The following ABCC6 variants were observed in gnomAD, a reference collection of about 807,000 sequenced individuals.
The protein encoded by ABCC6 is ATP-binding cassette sub-family C member 6.
ABCC6 carries 126 observed loss-of-function variants against 169.5 expected under a neutral mutation model. The observed-to-expected ratio is 0.74, with a 90% CI of 0.64 to 0.86. The LOEUF is 0.86. ABCC6 is among the 40% of genes least tolerant of loss of function. ABCC6 has a pLI of 0.00. For synonymous variants in ABCC6, 752 were observed against 814.7 expected (o/e 0.92, Z 1.31); for missense variants, 1,733 against 1,927.2 (o/e 0.90, Z 1.89).
At chr16:16,170,292 A>G (rs8060029) in intron 21 of ABCC6, among the ~76,000 whole-genome samples, 148,579 of 152,058 alleles carry the variant, frequency 0.98, 72,680 homozygotes, top group Middle Eastern at 1. Flanking sequence ...AAGAGATGGA[A>G]TCTCGCTGTG....
At chr16:16,161,130 CA>C (rs1695176662) in intron 25 of ABCC6, among the ~76,000 whole-genome samples, 2 of 152,184 alleles carry the variant, frequency 1.3e-5, no homozygotes. Context: ...GTTAACAATG[CA>C]CTAGAAATGT....
intron 29 of ABCC6, among the ~76,000 whole-genome samples, chr16:16,151,031 CT>C (rs934957155): frequency 6.6e-6 from 1 of 152,052 alleles, no homozygotes; most frequent in African/African-American, 2.4e-5. Flanking sequence ...TGGCTATTTT[CT>C]TTTTTCTGTT....
chr16:16,169,517 T>A, intron 22 of ABCC6, 129 bp downstream of exon 22: 1 of 1,088,398 alleles, frequency 9.2e-7, no homozygotes, highest in Non-Finnish European at 1.4e-6. Context: ...GATCTTTGCC[T>A]GGACCCCAGA....
At chr16:16,156,959 A>AAAAAAAT (rs1160495758) in intron 27 of ABCC6, among the ~76,000 whole-genome samples, 52 of 150,862 alleles carry the variant, frequency 3.4e-4, no homozygotes, top group Non-Finnish European at 6.9e-4. Context: ...AAAAAAAAAA[A>AAAAAAAT]AAAATCACAG....
chr16:16,207,549 C>A (rs2048432085), intron 7 of ABCC6, among the ~76,000 whole-genome samples: 1 of 151,884 alleles, frequency 6.6e-6, no homozygotes. Context: ...CCTATAGTAT[C>A]AGTCTCTGTC....
At position 16,165,756 on chromosome 16, in the gene ABCC6, T is replaced by A; in HGVS notation, c.3173A>T (p.Asp1058Val). 1 of 1,613,778 alleles carries A rather than the reference T, an allele frequency of 6.2e-7. No individual in the cohort carries two copies. Among genetic ancestry groups the A allele is most frequent in the Non-Finnish European group, 8.5e-7 (1 of 1,180,022 alleles). ...CAGGGACCGGAGTTTGTCTGGAATGTCCACGTCAACCGTGTCTGTCTCCTT... is the reference window on the plus strand; with the variant it reads ...CAGGGACCGGAGTTTGTCTGGAATGACCACGTCAACCGTGTCTGTCTCCTT... ...FSKETDTVDV[D>V]IPDKLRSLLM... is the part of the protein sequence containing the mutation. The change falls in exon 23 of 31, where the codon GAC becomes GTC. Residue 1058 changes from aspartate (D) to valine (V), a missense_variant. Asp to Val is a radical substitution (Grantham distance 152). Coordinates refer to ENST00000205557, the MANE Select transcript of ABCC6 (RefSeq NM_001171.6).
chr16:16,196,017 C>A (rs995286868), intron 10 of ABCC6, among the ~76,000 whole-genome samples: 7 of 151,908 alleles, frequency 4.6e-5, no homozygotes, highest in Non-Finnish European at 1.0e-4. Flanking sequence ...CAGGACCAGC[C>A]CAGCCAACAT....
intron 25 of ABCC6, among the ~76,000 whole-genome samples, chr16:16,161,020 G>T (rs566661141): frequency 4.6e-5 from 7 of 152,060 alleles, no homozygotes; most frequent in Non-Finnish European, 8.8e-5. Flanking sequence ...CATAAGAATC[G>T]CTTGAACCCA....
chr16:16,155,230 C>CT, intron 27 of ABCC6, 199 bp from the exon 28 acceptor site: 1 of 645,162 alleles, frequency 1.5e-6, no homozygotes, highest in Non-Finnish European at 2.7e-6. Context: ...GTGTTCTTCT[C>CT]TATCTTTCCC....
chr16:16,166,019 C>T lies in ABCC6; in HGVS notation c.2996-86G>A, dbSNP rs561805459. 4.2e-5 allele frequency: 57 copies of T among 1,372,110 alleles called. No individual in the cohort carries two copies. In the Middle Eastern group the frequency reaches 6.9e-4, roughly 17 times the overall value. 85.0% of individuals were successfully genotyped at this position (1,372,110 alleles called of 1,614,324 possible). ...GCCCTGCGCAGGTCTCTCCCGCTAC[C>T]CCATGGTGGACATCTTATGGCTTGG... On this transcript the variant is annotated intron_variant, in intron 22 of 30. Coordinates refer to ENST00000205557, the MANE Select transcript of ABCC6 (RefSeq NM_001171.6).
Position 16,154,786 on chromosome 16 carries a change from G to A in ABCC6, c.4050C>T (p.Ile1350=), listed in dbSNP as rs141821068. Residue 1350 remains isoleucine, a synonymous_variant, in exon 29 of 31, where the codon ATC becomes ATT. Coordinates refer to ENST00000205557, the MANE Select transcript of ABCC6 (RefSeq NM_001171.6). ...TCATCCGCAGAGAGCCAGGGAACAG[G>A]ATGGGGTCCTGGCGGGGAGGGGCGG... ...SRISIIPQDP[I]LFPGSLRMNL... 1.9e-6 allele frequency: 3 copies of A among 1,612,312 alleles called. No homozygotes were observed. Among genetic ancestry groups the A allele is most frequent in the Non-Finnish European group, 2.5e-6 (3 of 1,179,386 alleles).
chr16:16,173,333 G>T lies in ABCC6; in HGVS notation c.2738C>A (p.Pro913His), dbSNP rs765456179. 1.2e-6 allele frequency: 2 copies of T among 1,614,050 alleles called. No individual in the cohort carries two copies. Among genetic ancestry groups the T allele is most frequent in the African/African-American group, 2.7e-5 (2 of 75,010 alleles). ...TCCTGCTGGCCATCCTGCCCTGTCA[G>T]GGTCATCCAGAGGAACCTCTGTCTG... ...EAQTEVPLDD[P>H]DRAGWPAGKD... is the part of the protein sequence containing the mutation. The change falls in exon 21 of 31, where the codon CCT becomes CAT. Residue 913 changes from proline to histidine, a missense_variant. Around this residue, in one of 5 missense-constraint regions of ABCC6, gnomAD observed 1,601 missense variants for 1,635.5 expected, o/e 0.98. Coordinates refer to ENST00000205557, the MANE Select transcript of ABCC6 (RefSeq NM_001171.6).
At chr16:16,173,542 G>C in intron 20 of ABCC6, 138 bp from the exon 21 acceptor site, 1 of 1,086,502 alleles carries the variant, frequency 9.2e-7, no homozygotes, top group Non-Finnish European at 1.4e-6. Context: ...TTATCTAACA[G>C]AATACTGACC....
rs1218453491 is a variant in ABCC6, at chr16:16,203,423, G to T, written c.985C>A (p.Pro329Thr). 1 of 1,613,792 alleles carries T rather than the reference G, an allele frequency of 6.2e-7. No homozygotes were observed. The highest frequency in any genetic ancestry group is 1.3e-5 in the African/African-American group (1 of 74,886). Residue 329 changes from proline (P) to threonine (T), a missense_variant, in exon 8 of 31, where the codon CCC becomes ACC. This residue lies in a region of ABCC6 where 1,601 missense variants were observed against 1,635.5 expected (regional missense o/e 0.98). Coordinates refer to ENST00000205557, the MANE Select transcript of ABCC6 (RefSeq NM_001171.6). ...IISDVFRFTV[P>T]KLLSLFLEFI... is the part of the protein sequence containing the mutation. ...TCTGGGACTCACCTGAGCAGCTTGG[G>T]GACAGTGAACCTGAAGACATCACTG...
intron 27 of ABCC6, chr16:16,155,404 C>T: frequency 3.3e-6 from 1 of 304,718 alleles, no homozygotes; most frequent in Non-Finnish European, 6.1e-6. Context: ...TTTTTCCACC[C>T]CATCCTGCCA....
intron 10 of ABCC6, among the ~76,000 whole-genome samples, chr16:16,197,028 T>C (rs2048060570): frequency 1.3e-5 from 2 of 152,206 alleles, no homozygotes; most frequent in Admixed American, 1.3e-4. Flanking sequence ...GAAAATCCTA[T>C]ACCACAACGT....
intron 11 of ABCC6, among the ~76,000 whole-genome samples, chr16:16,192,522 G>C (rs2152272430): frequency 6.6e-6 from 1 of 152,272 alleles, no homozygotes; most frequent in African/African-American, 2.4e-5. Flanking sequence ...CCTATGCTGG[G>C]AAGTGTGACA....
chr16:16,210,417 G>A (rs1425787455), intron 6 of ABCC6, among the ~76,000 whole-genome samples: 8 of 152,302 alleles, frequency 5.3e-5, no homozygotes, highest in South Asian at 2.1e-4. Flanking sequence ...GATTATAGGC[G>A]TGAGCCACTG....
intron 20 of ABCC6, among the ~76,000 whole-genome samples, chr16:16,175,127 TCTTA>T (rs2047235059): frequency 6.6e-6 from 1 of 152,050 alleles, no homozygotes; most frequent in Non-Finnish European, 1.5e-5. Context: ...ATCCATCTGA[TCTTA>T]CTTCAGATTC....
Sources: allele counts gnomAD v4.1 joint callset (sites outside exome capture counted in the v4.1 genomes callset), GRCh38; gene constraint gnomAD v4.1.1; regional missense constraint gnomAD v4.1.1; transcripts MANE v1.5; gene names NCBI Gene and HGNC (gene_info 2026-07-23, HGNC 2026-07-21).